Variants in DYNC2I2 observed in about 807,000 individuals in gnomAD.
DYNC2I2 encodes the protein dynein 2 intermediate chain 2.
Under a neutral mutation model 52.0 loss-of-function variants are expected in DYNC2I2, and 39 were observed. That is an observed-to-expected ratio of 0.75 (90% CI 0.58 to 0.98). DYNC2I2 has a LOEUF of 0.98. Among genes scored for constraint, DYNC2I2 ranks in the 50% least tolerant of loss-of-function variants. DYNC2I2 has a pLI of 0.00. For synonymous variants in DYNC2I2, 359 were observed against 321.1 expected (o/e 1.12, Z -1.26); for missense variants, 743 against 728.4 (o/e 1.02, Z -0.23).
chr9:128,666,653 G>A, the DYNC2I2 span, among the ~76,000 whole-genome samples: 73 of 151,778 alleles, frequency 4.8e-4, no homozygotes, highest in African/African-American at 1.7e-3. Context: ...CAGCTACTCC[G>A]GAGGCTGAGG....
the DYNC2I2 span, among the ~76,000 whole-genome samples, chr9:128,680,724 G>T: frequency 2.6e-5 from 4 of 151,762 alleles, no homozygotes; most frequent in African/African-American, 9.7e-5. Flanking sequence ...GCCCAGTCTG[G>T]AGTGCGGTGG....
chr9:128,682,378 A>C, the DYNC2I2 span, among the ~76,000 whole-genome samples: 4 of 152,126 alleles, frequency 2.6e-5, no homozygotes, highest in Non-Finnish European at 5.9e-5. Flanking sequence ...AAATAAATAA[A>C]TAGTAAAAAT....
At chr9:128,668,892 C>G in the DYNC2I2 span, among the ~76,000 whole-genome samples, 2 of 150,646 alleles carry the variant, frequency 1.3e-5, no homozygotes, top group Non-Finnish European at 3.0e-5. Flanking sequence ...CTTACCGGGA[C>G]AGTGTATATG....
At chr9:128,658,128 A>T (rs1026023139), upstream of DYNC2I2, among the ~76,000 whole-genome samples, 1 of 151,940 alleles carries the variant, frequency 6.6e-6, no homozygotes, top group African/African-American at 2.4e-5. Context: ...AAAATAATAA[A>T]AAAATTCTAA....
rs189952043 is a variant in DYNC2I2 at position 128,651,424 on chromosome 9, C to T, written c.186+5117G>A. 1.3e-4 allele frequency: 7 copies of T among 55,198 alleles called. 2 individuals are homozygous for T. The highest frequency in any genetic ancestry group is 2.5e-4 in the African/African-American group (7 of 28,012). 3.4% of individuals were successfully genotyped at this position (55,198 alleles called of 1,614,324 possible). A position where few individuals can be genotyped will look rare whatever the true frequency, so the allele number is the denominator to read the frequency against. Reference sequence around the variant, plus strand: ...GCGCACGGCTGTAATCCCAGCTTCTCGGGAGGCTGACGCAGGAGAATCGCT... The same window carrying T: ...GCGCACGGCTGTAATCCCAGCTTCTTGGGAGGCTGACGCAGGAGAATCGCT... On this transcript the variant is annotated intron_variant, in intron 1 of 8. Coordinates refer to ENST00000372715, the MANE Select transcript of DYNC2I2 (RefSeq NM_052844.4).
chr9:128,681,644 G>T, the DYNC2I2 span, among the ~76,000 whole-genome samples: 1 of 152,190 alleles, frequency 6.6e-6, no homozygotes, highest in East Asian at 1.9e-4. Flanking sequence ...GTCTTGGCAT[G>T]CAGTTTTCCA....
At chr9:128,639,347 A>G (rs1201653204) in intron 2 of DYNC2I2, among the ~76,000 whole-genome samples, 2 of 151,988 alleles carry the variant, frequency 1.3e-5, no homozygotes, top group African/African-American at 4.8e-5. Flanking sequence ...GCAGTGAGCC[A>G]AGATCATGCC....
the DYNC2I2 span, among the ~76,000 whole-genome samples, chr9:128,668,249 ACG>A: frequency 9.9e-5 from 13 of 131,868 alleles, no homozygotes; most frequent in Non-Finnish European, 1.9e-4. Flanking sequence ...GTGAGCCACC[ACG>A]CCCGGCCAGT....
rs527902234 is a variant in DYNC2I2 at position 128,652,914 on chromosome 9, G to A, written c.186+3627C>T. On this transcript the variant is annotated intron_variant, in intron 1 of 8. Coordinates refer to ENST00000372715, the MANE Select transcript of DYNC2I2 (RefSeq NM_052844.4). ...GCTTGGGCAACAAAAGCGAAACTCC[G>A]TCTCAAAAAAAAAAAAGTAAGTACC... Among the ~76,000 whole-genome samples the A allele has an allele frequency of 5.9e-3, 873 of 147,358 alleles. 7 individuals carry two copies. The highest frequency in any genetic ancestry group is 0.01 in the Non-Finnish European group (707 of 67,430).
Position 128,656,732 on chromosome 9 carries a change from C to A in DYNC2I2, c.-6G>T. On this transcript the variant is annotated 5_prime_UTR_variant, in exon 1 of 9. Coordinates refer to ENST00000372715, the MANE Select transcript of DYNC2I2 (RefSeq NM_052844.4). ...GGCTGCGCGCGGGTTGCCATGGAGA[C>A]GGTTCCGCCCTCTCGTGCGGACGCA... The A allele has an allele frequency of 7.2e-7, 1 of 1,385,946 alleles. No homozygotes were observed. The highest frequency in any genetic ancestry group is 9.3e-7 in the Non-Finnish European group (1 of 1,072,584). The allele number at this position is 1,385,946 out of a possible 1,614,324, so 85.9% of individuals were successfully genotyped here. A position where few individuals can be genotyped will look rare whatever the true frequency, so the allele number is the denominator to read the frequency against.
chr9:128,684,441 C>T, the DYNC2I2 span, among the ~76,000 whole-genome samples: 1 of 152,154 alleles, frequency 6.6e-6, no homozygotes, highest in Non-Finnish European at 1.5e-5. Flanking sequence ...TGGCCTGAAT[C>T]TCTGCCACCT....
chr9:128,644,331 A>AGTG, intron 1 of DYNC2I2, among the ~76,000 whole-genome samples: 1 of 147,694 alleles, frequency 6.8e-6, no homozygotes, highest in East Asian at 2.0e-4. Flanking sequence ...AGTACAATGG[A>AGTG]GTGGTCATAG....
the DYNC2I2 span, chr9:128,683,875 T>C: frequency 2.6e-6 from 4 of 1,541,470 alleles, no homozygotes; most frequent in Non-Finnish European, 3.5e-6. Flanking sequence ...CGTGGTCTGG[T>C]TCTGGGACTT....
Position 128,635,715 on chromosome 9 carries a change from GTCC to G in DYNC2I2, c.753_755del (p.Glu251del). 1.9e-6 allele frequency: 3 copies of G among 1,613,178 alleles called. No homozygotes were observed. Among genetic ancestry groups the G allele is most frequent in the African/African-American group, 1.3e-5 (1 of 75,004 alleles). ...TCAGGCCTGTGCGCCACAGCAGCGG[GTCC>G]TCAAGACGGCTCAGGTCCCACACCA... is the stretch of plus-strand genomic sequence containing the variant. On this transcript the variant is annotated inframe_deletion, in exon 5 of 9. Coordinates refer to ENST00000372715, the MANE Select transcript of DYNC2I2 (RefSeq NM_052844.4).
the DYNC2I2 span, chr9:128,663,205 G>A: frequency 6.6e-6 from 1 of 152,006 alleles, no homozygotes; most frequent in East Asian, 1.9e-4. Flanking sequence ...TAGGAAACCA[G>A]AGGGGGAGCC....
At chr9:128,679,222 T>TAGG in the DYNC2I2 span, among the ~76,000 whole-genome samples, 1 of 152,192 alleles carries the variant, frequency 6.6e-6, no homozygotes, top group Non-Finnish European at 1.5e-5. Flanking sequence ...ATTCTCTTCA[T>TAGG]GATCTTAGGC....
chr9:128,656,183 C>T (rs1708363031), intron 1 of DYNC2I2, among the ~76,000 whole-genome samples: 1 of 151,114 alleles, frequency 6.6e-6, no homozygotes, highest in Non-Finnish European at 1.5e-5. Context: ...GCACTCCAGC[C>T]TGGGCGACAG....
chr9:128,656,063 A>C (rs1469302411), intron 1 of DYNC2I2, among the ~76,000 whole-genome samples: 1 of 151,258 alleles, frequency 6.6e-6, no homozygotes, highest in Non-Finnish European at 1.5e-5. Flanking sequence ...AAATAAATAA[A>C]CAGCCAGCGT....
Position 128,656,685 on chromosome 9 carries a change from T to G in DYNC2I2, c.42A>C (p.Gly14=), listed in dbSNP as rs1177955792. The G allele has an allele frequency of 6.7e-7, 1 of 1,495,958 alleles. No homozygotes were observed. The highest frequency in any genetic ancestry group is 8.8e-7 in the Non-Finnish European group (1 of 1,133,560). 92.7% of individuals were successfully genotyped at this position (1,495,958 alleles called of 1,614,324 possible). The change falls in exon 1 of 9, where the codon GGA becomes GGC. Residue 14 remains glycine, a synonymous_variant. Transcript: ENST00000372715. ...RAQPGPLSQA[G]SAGVAALATV... ...TCGCCAGCGCCGCAACACCAGCGCT[T>G]CCCGCCTGGCTGAGTGGCCCCGGCT... is the stretch of plus-strand genomic sequence containing the variant.
Sources: allele counts gnomAD v4.1 joint callset (sites outside exome capture counted in the v4.1 genomes callset), GRCh38; gene constraint gnomAD v4.1.1; transcripts MANE v1.5; gene names NCBI Gene and HGNC (gene_info 2026-07-23, HGNC 2026-07-21).